The following FGFR2 variants were observed in gnomAD, a reference collection of about 807,000 sequenced individuals.
FGFR2 encodes the protein fibroblast growth factor receptor 2.
FGFR2 carries 19 observed loss-of-function variants against 95.9 expected under a neutral mutation model. That is an observed-to-expected ratio of 0.20 (90% confidence interval 0.14 to 0.29). The LOEUF (loss-of-function observed/expected upper bound fraction) is 0.29, where lower values mean the gene tolerates loss of function less well. FGFR2 is among the 10% of genes least tolerant of loss of function. The pLI is 1.00. For synonymous variants in FGFR2, 392 were observed against 393.3 expected, an observed-to-expected ratio of 1.00 and a Z score of 0.04; for missense variants, 707 against 1,056.9, an observed-to-expected ratio of 0.67 and a Z score of 4.59.
At chr10:121,496,874 T>C in intron 12 of FGFR2, 152 bp from the exon 13 acceptor site, 1 of 706,556 alleles carries the variant, frequency 1.4e-6, no homozygotes, top group Non-Finnish European at 2.4e-6. Flanking sequence ...CTCATATCTG[T>C]AATCCCAGCC....
rs561783727 is a variant in FGFR2, at chr10:121,551,495, G to A, written c.455-36C>T. On this transcript the variant is annotated intron_variant, in intron 4 of 17. Coordinates refer to ENST00000358487, the MANE Select transcript of FGFR2 (RefSeq NM_000141.5). ...AAACAGTATTAGAATGTATACTGAT[G>A]GACAGCTTCCCCTCCATGAGTAAAC... The A allele has an allele frequency of 1.8e-5, 28 of 1,590,534 alleles. No homozygotes were observed. The Admixed American group carries it at 2.2e-4, about 12-fold the overall frequency.
At chr10:121,552,826 A>G (rs1228611938) in intron 4 of FGFR2, among the ~76,000 whole-genome samples, 1 of 152,258 alleles carries the variant, frequency 6.6e-6, no homozygotes, top group Non-Finnish European at 1.5e-5. Context: ...TGAACATTGT[A>G]GAAGGCTAAT....
At chr10:121,597,534 G>A (rs2135535855) in intron 1 of FGFR2, among the ~76,000 whole-genome samples, 1 of 152,360 alleles carries the variant, frequency 6.6e-6, no homozygotes, top group East Asian at 1.9e-4. Flanking sequence ...CGCAGGGCCT[G>A]GATGGTACGG....
chr10:121,519,174 A>G (rs1026330305), intron 7 of FGFR2, among the ~76,000 whole-genome samples: 1 of 152,176 alleles, frequency 6.6e-6, no homozygotes, highest in East Asian at 1.9e-4. Context: ...TTCTACTGGA[A>G]GAATGTTCTT....
chr10:121,554,130 C>T (rs984530549), intron 4 of FGFR2, among the ~76,000 whole-genome samples: 5 of 152,148 alleles, frequency 3.3e-5, no homozygotes, highest in African/African-American at 1.2e-4. Flanking sequence ...CAGCAGGGTA[C>T]GGGTGCAGTG....
intron 6 of FGFR2, among the ~76,000 whole-genome samples, chr10:121,534,578 T>C (rs1213674255): frequency 1.3e-5 from 2 of 151,490 alleles, no homozygotes; most frequent in African/African-American, 4.9e-5. Flanking sequence ...GTATTTTTAG[T>C]AGAAACGAGG....
intron 5 of FGFR2, among the ~76,000 whole-genome samples, chr10:121,539,551 G>A (rs781199263): frequency 4.6e-5 from 7 of 152,136 alleles, no homozygotes; most frequent in South Asian, 2.1e-4. Flanking sequence ...TCAAACTTGC[G>A]AGAGTTTTCC....
At chr10:121,502,180 C>T (rs2912754) in intron 10 of FGFR2, among the ~76,000 whole-genome samples, 128,009 of 152,154 alleles carry the variant, frequency 0.84, 56,929 homozygotes, top group East Asian at 0.98. Flanking sequence ...ATCACAACTC[C>T]CCAGTTCAGT....
chr10:121,587,011 G>C (rs1861929252), intron 2 of FGFR2, among the ~76,000 whole-genome samples: 1 of 152,110 alleles, frequency 6.6e-6, no homozygotes, highest in South Asian at 2.1e-4. Context: ...TGGGGCTACG[G>C]TAACCAAAAC....
Position 121,564,632 on chromosome 10 carries a change from T to G in FGFR2, c.377-53A>C, listed in dbSNP as rs915322192. The G allele has an allele frequency of 2.6e-6, 4 of 1,552,798 alleles. No homozygotes were observed. In the Admixed American group the frequency reaches 6.7e-5, roughly 26 times the overall value. On this transcript the variant is annotated intron_variant, in intron 3 of 17. Coordinates refer to ENST00000358487, the MANE Select transcript of FGFR2 (RefSeq NM_000141.5). ...ATGTGTTTTTTGCAAAGCAAAAAGG[T>G]TGCAATTATCTACAACTGAGACCTT... is the stretch of plus-strand genomic sequence containing the variant.
intron 4 of FGFR2, among the ~76,000 whole-genome samples, chr10:121,561,400 G>A: frequency 1.3e-5 from 2 of 149,052 alleles, no homozygotes; most frequent in Non-Finnish European, 3.0e-5. Flanking sequence ...CTCCAGCCTG[G>A]GCAACAAGAG....
At chr10:121,579,273 C>T (rs1860443482) in intron 2 of FGFR2, among the ~76,000 whole-genome samples, 1 of 152,150 alleles carries the variant, frequency 6.6e-6, no homozygotes, top group South Asian at 2.1e-4. Context: ...TCCTGGCGGG[C>T]GGTTGGAGGT....
intron 8 of FGFR2, among the ~76,000 whole-genome samples, chr10:121,515,672 C>G (rs1265470642): frequency 6.6e-6 from 1 of 151,868 alleles, no homozygotes; most frequent in Non-Finnish European, 1.5e-5. Context: ...TCTGTGAATG[C>G]AAACCAAATA....
chr10:121,521,648 GA>G (rs60666604), intron 6 of FGFR2, among the ~76,000 whole-genome samples: 164 of 145,936 alleles, frequency 1.1e-3, no homozygotes, highest in African/African-American at 3.9e-3. Context: ...AGGATGGGAA[GA>G]AAAAAAAAAA....
intron 6 of FGFR2, 97 bp from the exon 7 acceptor site, chr10:121,520,266 C>T (rs959368467): frequency 7.7e-7 from 1 of 1,294,496 alleles, no homozygotes; most frequent in Non-Finnish European, 1.0e-6. Flanking sequence ...GACCTCATGC[C>T]AGAAAAGCCT....
At chr10:121,497,311 C>T (rs966843959) in intron 12 of FGFR2, among the ~76,000 whole-genome samples, 20 of 152,132 alleles carry the variant, frequency 1.3e-4, no homozygotes, top group South Asian at 2.1e-4. Context: ...CTGTCACCTG[C>T]GCCCTCTTGG....
At chr10:121,490,308 G>A (rs1005570396) in intron 13 of FGFR2, among the ~76,000 whole-genome samples, 1 of 151,938 alleles carries the variant, frequency 6.6e-6, no homozygotes, top group Admixed American at 6.6e-5. Flanking sequence ...GGGATTGCAG[G>A]TGCCCACCAC....
At chr10:121,561,294 T>G (rs768123860) in intron 4 of FGFR2, among the ~76,000 whole-genome samples, 3 of 151,778 alleles carry the variant, frequency 2.0e-5, no homozygotes. Flanking sequence ...TGTGGTAGCA[T>G]GTACCTGTAA....
At chr10:121,569,214 CT>C (rs1270491605) in intron 2 of FGFR2, among the ~76,000 whole-genome samples, 1 of 147,272 alleles carries the variant, frequency 6.8e-6, no homozygotes, top group Non-Finnish European at 1.5e-5. Context: ...CTTTTCTTTT[CT>C]TTTCTTTTCT....
Sources: gnomAD v4.1 joint callset for allele counts (sites outside exome capture counted in the v4.1 genomes callset) on GRCh38, gnomAD v4.1.1 for gene constraint, MANE v1.5 for transcripts, NCBI Gene and HGNC (gene_info 2026-07-23, HGNC 2026-07-21) for gene names.